Variants in FMNL2 observed in about 807,000 individuals in gnomAD.
FMNL2 encodes formin-like protein 2.
Under a neutral mutation model 130.2 loss-of-function variants are expected in FMNL2, and 51 were observed. The observed-to-expected ratio is 0.39, with a 90% CI of 0.31 to 0.49. The LOEUF (loss-of-function observed/expected upper bound fraction) is 0.49. FMNL2 is among the 20% of genes least tolerant of loss of function. The pLI is 0.85. For missense variants in FMNL2, 977 were observed against 1,316.2 expected, an observed-to-expected ratio of 0.74 and a Z score of 3.99; for synonymous variants, 465 against 467.1, an observed-to-expected ratio of 1.00 and a Z score of 0.06.
At chr2:152,626,374 T>C (rs1320245831) in intron 16 of FMNL2, 151 bp from the exon 17 acceptor site, 1 of 665,934 alleles carries the variant, frequency 1.5e-6, no homozygotes, top group Non-Finnish European at 2.6e-6. Flanking sequence ...AGTTGTACTA[T>C]AACAAAAACA....
intron 1 of FMNL2, among the ~76,000 whole-genome samples, chr2:152,384,301 C>G (rs1049986634): frequency 6.6e-6 from 1 of 152,130 alleles, no homozygotes; most frequent in Non-Finnish European, 1.5e-5. Context: ...TACACATTTT[C>G]CTAAATTTAT....
intron 1 of FMNL2, among the ~76,000 whole-genome samples, chr2:152,494,123 T>C (rs986721980): frequency 3.3e-5 from 5 of 152,140 alleles, no homozygotes; most frequent in African/African-American, 1.2e-4. Flanking sequence ...TAGGGCAGAG[T>C]GGGGCAGTTC....
At chr2:152,610,906 T>C (rs1214249848) in intron 10 of FMNL2, among the ~76,000 whole-genome samples, 1 of 152,224 alleles carries the variant, frequency 6.6e-6, no homozygotes, top group Non-Finnish European at 1.5e-5. Flanking sequence ...CCACCAGCAA[T>C]GGATGAGGGT....
intron 3 of FMNL2, among the ~76,000 whole-genome samples, chr2:152,546,811 T>C (rs538240463): frequency 6.6e-6 from 1 of 152,200 alleles, no homozygotes; most frequent in African/African-American, 2.4e-5. Context: ...TCTCTTCCCT[T>C]CTCTATATAC....
chr2:152,620,924 A>G (rs1263177242), intron 15 of FMNL2: 1 of 985,170 alleles, frequency 1.0e-6, no homozygotes, highest in African/African-American at 1.7e-5. Flanking sequence ...ACTTATTTCT[A>G]CCCTTCAAGA....
At chr2:152,339,383 G>A (rs892353242) in intron 1 of FMNL2, among the ~76,000 whole-genome samples, 2 of 152,142 alleles carry the variant, frequency 1.3e-5, no homozygotes, top group African/African-American at 2.4e-5. Context: ...GGTTCTGGGT[G>A]GATGTGGTGA....
intron 1 of FMNL2, among the ~76,000 whole-genome samples, chr2:152,406,624 G>A (rs1157633152): frequency 2.0e-5 from 3 of 152,178 alleles, no homozygotes. Flanking sequence ...TTGTGTGGAA[G>A]TGTACCTTTT....
At chr2:152,520,989 G>C (rs796219705) in intron 1 of FMNL2, among the ~76,000 whole-genome samples, 1 of 152,206 alleles carries the variant, frequency 6.6e-6, no homozygotes, top group South Asian at 2.1e-4. Context: ...GTGTGACTTA[G>C]AGTGCTGATG....
chr2:152,598,860 A>T (rs1438594135), intron 9 of FMNL2, among the ~76,000 whole-genome samples: 1 of 152,232 alleles, frequency 6.6e-6, no homozygotes, highest in Admixed American at 6.5e-5. Context: ...TCACGTGGTT[A>T]TGGAGGTAGA....
chr2:152,422,768 A>G (rs1191844365), intron 1 of FMNL2, among the ~76,000 whole-genome samples: 1 of 152,142 alleles, frequency 6.6e-6, no homozygotes, highest in South Asian at 2.1e-4. Flanking sequence ...AGCTCAAGGA[A>G]TTCACCCGCC....
At chr2:152,643,633 CATGTT>C (rs1415422292) in intron 25 of FMNL2, 1 of 1,485,842 alleles carries the variant, frequency 6.7e-7, no homozygotes, top group Non-Finnish European at 8.9e-7. Flanking sequence ...CCATCTCCAT[CATGTT>C]ATATTTTGTG....
chr2:152,358,575 T>C (rs771022721), intron 1 of FMNL2, among the ~76,000 whole-genome samples: 1 of 151,598 alleles, frequency 6.6e-6, no homozygotes, highest in Admixed American at 6.6e-5. Flanking sequence ...TGCTTGAACC[T>C]GCAAGGTGGA....
chr2:152,579,649 G>T (rs1268058611), intron 8 of FMNL2, among the ~76,000 whole-genome samples: 1 of 152,180 alleles, frequency 6.6e-6, no homozygotes, highest in Non-Finnish European at 1.5e-5. Context: ...AGTGAGCCGA[G>T]ATCGCACCGC....
chr2:152,643,768 A>G, intron 25 of FMNL2: 1 of 985,480 alleles, frequency 1.0e-6, no homozygotes, highest in Non-Finnish European at 1.2e-6. Flanking sequence ...AGCTGAATTC[A>G]TAGAATTGTT....
chr2:152,555,077 A>G (rs1312777060), intron 4 of FMNL2, among the ~76,000 whole-genome samples: 4 of 152,220 alleles, frequency 2.6e-5, no homozygotes, highest in Non-Finnish European at 4.4e-5. Context: ...AGTGACAAAT[A>G]CAATAAATAA....
At chr2:152,513,959 G>A (rs1010189765) in intron 1 of FMNL2, among the ~76,000 whole-genome samples, 18 of 152,140 alleles carry the variant, frequency 1.2e-4, no homozygotes, top group African/African-American at 4.3e-4. Flanking sequence ...GCATCCTCTA[G>A]GCTAGGAAGA....
rs1686363723 is a variant in FMNL2 at position 152,412,472 on chromosome 2, AT to A, written c.117+76753del. On this transcript the variant is annotated intron_variant, in intron 1 of 25. Coordinates refer to ENST00000288670, the MANE Select transcript of FMNL2 (RefSeq NM_052905.4). Reference sequence around the variant, plus strand: ...TATATATATATATATATATATATATATATATATATATATATATATATATATA... The same window carrying A: ...TATATATATATATATATATATATATAATATATATATATATATATATATATA... Among the ~76,000 whole-genome samples the A allele has an allele frequency of 2.2e-3, 48 of 21,958 alleles. 1 individual carries two copies. Among genetic ancestry groups the A allele is most frequent in the Middle Eastern group, 0.028 (2 of 72 alleles). 14.4% of individuals were successfully genotyped at this position (21,958 alleles called of 152,430 possible).
In FMNL2 at chr2:152,335,532, C is replaced by T. The variant is rs1443523043; in HGVS notation, c.-72C>T. ...GCGCCTGCGGGCGGCAGCCGACCGC[C>T]GGGAGCTGTTCTGATTTCCGACGCG... On this transcript the variant is annotated 5_prime_UTR_variant, in exon 1 of 26. Coordinates refer to ENST00000288670, the MANE Select transcript of FMNL2 (RefSeq NM_052905.4). 2 of 1,303,588 alleles carry T rather than the reference C, an allele frequency of 1.5e-6. No homozygotes were observed. The highest frequency in any genetic ancestry group is 1.5e-5 in the African/African-American group (1 of 64,776). The allele number at this position is 1,303,588 out of a possible 1,614,324, so 80.8% of individuals were successfully genotyped here. A position where few individuals can be genotyped will look rare whatever the true frequency, so the allele number is the denominator to read the frequency against.
At chr2:152,345,761 C>T (rs988172076) in intron 1 of FMNL2, among the ~76,000 whole-genome samples, 2 of 152,176 alleles carry the variant, frequency 1.3e-5, no homozygotes, top group South Asian at 2.1e-4. Context: ...AGTCACTCTA[C>T]ACCAACTAAT....
Sources: allele counts gnomAD v4.1 joint callset (sites outside exome capture counted in the v4.1 genomes callset), GRCh38; gene constraint gnomAD v4.1.1; transcripts MANE v1.5; gene names NCBI Gene and HGNC (gene_info 2026-07-23, HGNC 2026-07-21).